Variants in PAPSS2 observed in about 807,000 individuals in gnomAD.
PAPSS2 encodes the protein bifunctional 3'-phosphoadenosine 5'-phosphosulfate synthase 2.
Under a neutral mutation model 66.5 loss-of-function variants are expected in PAPSS2, and 61 were observed. That is an observed-to-expected ratio of 0.92 (90% confidence interval 0.75 to 1.14). The LOEUF (loss-of-function observed/expected upper bound fraction) is 1.14. PAPSS2 is among the 50% of genes most tolerant of loss of function. PAPSS2 has a pLI of 0.00. For synonymous variants in PAPSS2, 289 were observed against 287.5 expected, an observed-to-expected ratio of 1.01 and a Z score of -0.05; for missense variants, 708 against 789.6, an observed-to-expected ratio of 0.90 and a Z score of 1.24.
intron 9 of PAPSS2, among the ~76,000 whole-genome samples, chr10:87,736,377 C>T (rs1479278055): frequency 6.7e-6 from 1 of 150,314 alleles, no homozygotes; most frequent in Admixed American, 6.7e-5. Flanking sequence ...AAGTGATTCT[C>T]CTGCCTCAAC....
chr10:87,683,493 C>T (rs938428872), intron 1 of PAPSS2, among the ~76,000 whole-genome samples: 3 of 152,212 alleles, frequency 2.0e-5, no homozygotes, highest in African/African-American at 7.2e-5. Context: ...ATCCTCTATT[C>T]TATCACCTGA....
At chr10:87,698,786 T>C (rs768131651) in intron 1 of PAPSS2, among the ~76,000 whole-genome samples, 4 of 152,216 alleles carry the variant, frequency 2.6e-5, no homozygotes, top group Non-Finnish European at 1.5e-5. Flanking sequence ...CTGGGGAAGC[T>C]GAGGCAGGAC....
intron 2 of PAPSS2, among the ~76,000 whole-genome samples, chr10:87,712,264 G>GGACA (rs1853471404): frequency 6.6e-6 from 1 of 152,162 alleles, no homozygotes; most frequent in African/African-American, 2.4e-5. Flanking sequence ...AGAAGCCAAA[G>GGACA]GACAGCCTGC....
chr10:87,739,074 T>A (rs962752425), intron 9 of PAPSS2, among the ~76,000 whole-genome samples: 1 of 152,218 alleles, frequency 6.6e-6, no homozygotes, highest in African/African-American at 2.4e-5. Flanking sequence ...GTCTAATAAA[T>A]CATTTCCAAC....
chr10:87,709,931 CAGAATGTCAAAACTG>C (rs1189409814), intron 2 of PAPSS2, among the ~76,000 whole-genome samples: 1 of 152,166 alleles, frequency 6.6e-6, no homozygotes. Flanking sequence ...TTTATAGCCA[CAGAATGTCAAAACTG>C]AGAATTAGTG....
chr10:87,689,213 G>A (rs1477527110), intron 1 of PAPSS2, among the ~76,000 whole-genome samples: 1 of 148,022 alleles, frequency 6.8e-6, no homozygotes, highest in Non-Finnish European at 1.5e-5. Context: ...GGTGGCACAT[G>A]CCTGCAATCC....
chr10:87,692,538 A>G (rs1301590534), intron 1 of PAPSS2, among the ~76,000 whole-genome samples: 1 of 152,216 alleles, frequency 6.6e-6, no homozygotes, highest in Non-Finnish European at 1.5e-5. Context: ...TGGAAGCTGA[A>G]GAGAGAGTTT....
chr10:87,696,660 G>A (rs1323985595), intron 1 of PAPSS2, among the ~76,000 whole-genome samples: 1 of 152,056 alleles, frequency 6.6e-6, no homozygotes, highest in African/African-American at 2.4e-5. Flanking sequence ...ATAACTCCAA[G>A]CAATTTTAAC....
chr10:87,693,064 G>C (rs955357570), intron 1 of PAPSS2, among the ~76,000 whole-genome samples: 2 of 152,152 alleles, frequency 1.3e-5, no homozygotes, highest in Non-Finnish European at 2.9e-5. Context: ...CTAGAAAGGC[G>C]TTAATCTGAC....
At chr10:87,737,469 T>G (rs1247958470) in intron 9 of PAPSS2, among the ~76,000 whole-genome samples, 2 of 152,168 alleles carry the variant, frequency 1.3e-5, no homozygotes, top group African/African-American at 4.8e-5. Flanking sequence ...ATTCACATTG[T>G]TGTGAACCAA....
chr10:87,701,138 A>G (rs540391382), intron 1 of PAPSS2, among the ~76,000 whole-genome samples: 9 of 151,654 alleles, frequency 5.9e-5, no homozygotes, highest in South Asian at 2.1e-4. Context: ...AAGTGAACAA[A>G]AAGTATATAT....
intron 11 of PAPSS2, among the ~76,000 whole-genome samples, chr10:87,744,250 G>T (rs1037796907): frequency 3.0e-4 from 45 of 152,200 alleles, no homozygotes; most frequent in African/African-American, 8.7e-4. Context: ...TTCAATTTCA[G>T]AAGTTCCAGT....
At chr10:87,674,217 T>G (rs1852916179) in intron 1 of PAPSS2, among the ~76,000 whole-genome samples, 1 of 152,164 alleles carries the variant, frequency 6.6e-6, no homozygotes, top group Non-Finnish European at 1.5e-5. Context: ...CAGGCTGGAG[T>G]GCAGTGGCAC....
At chr10:87,718,843 A>G (rs1280143432) in intron 7 of PAPSS2, among the ~76,000 whole-genome samples, 1 of 152,336 alleles carries the variant, frequency 6.6e-6, no homozygotes, top group East Asian at 1.9e-4. Context: ...AACTCTTGTA[A>G]GGTGTATAGA....
chr10:87,666,870 C>T (rs1852821923), intron 1 of PAPSS2, among the ~76,000 whole-genome samples: 1 of 152,006 alleles, frequency 6.6e-6, no homozygotes, highest in African/African-American at 2.4e-5. Context: ...CTGGGGGCTG[C>T]TGAAACCCAC....
Position 87,746,409 on chromosome 10 carries a change from A to AG in PAPSS2, c.*439_*440insG, listed in dbSNP as rs1853941133. 6.5e-6 allele frequency: 1 copy of AG among 154,030 alleles called. No homozygotes were observed. 9.5% of individuals were successfully genotyped at this position (154,030 alleles called of 1,614,324 possible). A position where few individuals can be genotyped will look rare whatever the true frequency, so the allele number is the denominator to read the frequency against. ...TGTCCTCTTCTGTACAATTGACAAA[A>AG]AAAAAAATTTTTTTTTCTCACTCTA... On this transcript the variant is annotated 3_prime_UTR_variant, in exon 13 of 13. Transcript: ENST00000456849.
At chr10:87,666,124 C>T (rs11202497) in intron 1 of PAPSS2, among the ~76,000 whole-genome samples, 4 of 151,884 alleles carry the variant, frequency 2.6e-5, no homozygotes, top group East Asian at 1.9e-4. Flanking sequence ...CCACCACACC[C>T]GGCTAATTTT....
intron 1 of PAPSS2, among the ~76,000 whole-genome samples, chr10:87,672,897 GA>G (rs1351697802): frequency 3.9e-5 from 6 of 152,232 alleles, no homozygotes. Flanking sequence ...ACAAGTATAT[GA>G]AATTAAAATT....
chr10:87,709,337 A>G (rs779582186), intron 2 of PAPSS2, 24 bp downstream of exon 2: 22 of 1,295,000 alleles, frequency 1.7e-5, no homozygotes, highest in Middle Eastern at 1.9e-4. Context: ...ATATATATAT[A>G]TATATATACA....
Sources: allele counts gnomAD v4.1 joint callset (sites outside exome capture counted in the v4.1 genomes callset), GRCh38; gene constraint gnomAD v4.1.1; transcripts MANE v1.5; gene names NCBI Gene and HGNC (gene_info 2026-07-23, HGNC 2026-07-21).